KIAA0753: variants seen among roughly 807,000 people sequenced by gnomAD.
The protein encoded by KIAA0753 is KIAA0753.
Under a neutral mutation model 116.9 loss-of-function variants are expected in KIAA0753, and 114 were observed. That is an observed-to-expected ratio of 0.98 (90% CI 0.84 to 1.14). KIAA0753 has a LOEUF of 1.14. Among genes scored for constraint, KIAA0753 ranks in the 50% most tolerant of loss-of-function variants. The pLI is 0.00. For synonymous variants in KIAA0753, 405 were observed against 413.1 expected, an observed-to-expected ratio of 0.98 and a Z score of 0.24; for missense variants, 1,156 against 1,172.4, an observed-to-expected ratio of 0.99 and a Z score of 0.20.
At chr17:6,617,718 C>T (rs1044655701) in intron 7 of KIAA0753, among the ~76,000 whole-genome samples, 1 of 152,232 alleles carries the variant, frequency 6.6e-6, no homozygotes, top group Admixed American at 6.5e-5. Flanking sequence ...GCTTGGAACT[C>T]CCACTCCCAT....
intron 16 of KIAA0753, among the ~76,000 whole-genome samples, chr17:6,594,133 A>G (rs1476019772): frequency 1.3e-5 from 2 of 152,232 alleles, no homozygotes; most frequent in Non-Finnish European, 2.9e-5. Flanking sequence ...GATTATACAC[A>G]TGAATATATT....
chr17:6,611,038 A>G (rs1358277477), intron 8 of KIAA0753, among the ~76,000 whole-genome samples: 1 of 152,212 alleles, frequency 6.6e-6, no homozygotes, highest in Non-Finnish European at 1.5e-5. Context: ...CTGAAAATAA[A>G]CAGATTTGCT....
chr17:6,609,733 C>G (rs945261621), intron 9 of KIAA0753, among the ~76,000 whole-genome samples: 3 of 152,158 alleles, frequency 2.0e-5, no homozygotes, highest in Non-Finnish European at 4.4e-5. Flanking sequence ...GGGAAGCCCC[C>G]CATCTTCCAT....
chr17:6,634,809 A>G (rs547532345), intron 2 of KIAA0753: 48 of 517,526 alleles, frequency 9.3e-5, no homozygotes, highest in African/African-American at 7.6e-4. Flanking sequence ...AATATTTAGA[A>G]GTATCAGGTT....
intron 18 of KIAA0753, among the ~76,000 whole-genome samples, chr17:6,584,799 T>C (rs1239327862): frequency 6.6e-6 from 1 of 152,218 alleles, no homozygotes; most frequent in South Asian, 2.1e-4. Flanking sequence ...TCCAGTAGCA[T>C]GTGAACTAAA....
chr17:6,584,260 C>T (rs191253347), intron 18 of KIAA0753, among the ~76,000 whole-genome samples: 1 of 152,338 alleles, frequency 6.6e-6, no homozygotes, highest in Admixed American at 6.5e-5. Context: ...CTCCCCAGGG[C>T]TCTGTCTTCT....
At chr17:6,623,345 G>A (rs1408194252) in intron 5 of KIAA0753, among the ~76,000 whole-genome samples, 164 bp downstream of exon 5, 1 of 152,108 alleles carries the variant, frequency 6.6e-6, no homozygotes, top group East Asian at 1.9e-4. Flanking sequence ...CTGTTCCTTA[G>A]AAGGCAACCA....
intron 18 of KIAA0753, among the ~76,000 whole-genome samples, chr17:6,580,762 G>C (rs929366703): frequency 1.3e-5 from 2 of 152,102 alleles, no homozygotes; most frequent in African/African-American, 2.4e-5. Flanking sequence ...TTTGAAACCA[G>C]AGGCGACCAG....
chr17:6,619,746 T>TA (rs1971177544), intron 7 of KIAA0753, among the ~76,000 whole-genome samples: 1 of 151,794 alleles, frequency 6.6e-6, no homozygotes, highest in South Asian at 2.1e-4. Context: ...TACTTTAATT[T>TA]AAAAAAAGAA....
chr17:6,605,662 G>C (rs1188124583), intron 12 of KIAA0753, among the ~76,000 whole-genome samples: 2 of 151,924 alleles, frequency 1.3e-5, no homozygotes, highest in Non-Finnish European at 2.9e-5. Flanking sequence ...GATTTATGAA[G>C]AAGAGTAATG....
chr17:6,591,818 C>T (rs1439492150), intron 16 of KIAA0753, among the ~76,000 whole-genome samples: 1 of 152,250 alleles, frequency 6.6e-6, no homozygotes, highest in Non-Finnish European at 1.5e-5. Flanking sequence ...TGCTAAAATG[C>T]CCAAGGGCTG....
intron 14 of KIAA0753, among the ~76,000 whole-genome samples, chr17:6,597,409 C>T (rs1785480550): frequency 6.6e-6 from 1 of 152,092 alleles, no homozygotes; most frequent in African/African-American, 2.4e-5. Context: ...AAGAATGGAA[C>T]ACCAAAAATA....
chr17:6,589,463 G>A (rs1033505874), intron 18 of KIAA0753, among the ~76,000 whole-genome samples: 3 of 152,086 alleles, frequency 2.0e-5, no homozygotes, highest in Non-Finnish European at 4.4e-5. Flanking sequence ...ACTAGAACCC[G>A]ATGGTATTCT....
At chr17:6,601,894 T>C (rs576250000) in intron 12 of KIAA0753, among the ~76,000 whole-genome samples, 1 of 152,198 alleles carries the variant, frequency 6.6e-6, no homozygotes, top group Admixed American at 6.5e-5. Context: ...CGAGAAAATA[T>C]CTGCTGCACA....
In KIAA0753 at chr17:6,600,372, T is replaced by C. The variant is rs767261167; in HGVS notation, c.2088+8A>G. 3.1e-6 allele frequency: 5 copies of C among 1,610,652 alleles called. No individual in the cohort carries two copies. Among genetic ancestry groups the C allele is most frequent in the South Asian group, 1.1e-5 (1 of 90,972 alleles). On this transcript the variant is annotated splice_region_variant and intron_variant, in intron 13 of 18. Coordinates refer to ENST00000361413, the MANE Select transcript of KIAA0753 (RefSeq NM_014804.3). ...AAGCAAGCAAATGAAACGAACTAGA[T>C]AGATTACCTGGGCCTTGACCAAGAG...
intron 7 of KIAA0753, among the ~76,000 whole-genome samples, chr17:6,614,313 C>T (rs1597546407): frequency 6.6e-6 from 1 of 152,264 alleles, no homozygotes; most frequent in Non-Finnish European, 1.5e-5. Flanking sequence ...AAGCCAGGAA[C>T]ACAGATATTC....
chr17:6,628,028 CTA>C (rs1053940607), intron 3 of KIAA0753, 87 bp downstream of exon 3: 16 of 1,238,806 alleles, frequency 1.3e-5, no homozygotes, highest in Non-Finnish European at 1.8e-5. Flanking sequence ...AATGAAATTG[CTA>C]TAGGGGTTGA....
intron 12 of KIAA0753, among the ~76,000 whole-genome samples, chr17:6,603,581 T>C (rs1014385922): frequency 6.6e-6 from 1 of 152,192 alleles, no homozygotes; most frequent in Non-Finnish European, 1.5e-5. Flanking sequence ...ATTAAATATA[T>C]GCAAACATAA....
intron 3 of KIAA0753, among the ~76,000 whole-genome samples, chr17:6,625,969 T>G (rs1370866264): frequency 6.6e-6 from 1 of 152,202 alleles, no homozygotes; most frequent in Admixed American, 6.5e-5. Flanking sequence ...CCAAAAGTGC[T>G]AGGATTACAG....
Sources: gnomAD v4.1 joint callset for allele counts (sites outside exome capture counted in the v4.1 genomes callset) on GRCh38, gnomAD v4.1.1 for gene constraint, MANE v1.5 for transcripts, NCBI Gene and HGNC (gene_info 2026-07-23, HGNC 2026-07-21) for gene names.